The following CMIP variants were observed in gnomAD, a reference collection of about 807,000 sequenced individuals.
CMIP encodes the protein C-Maf-inducing protein.
A neutral mutation model predicts 97.3 loss-of-function variants in CMIP; 13 were observed. The ratio of observed to expected loss-of-function variants is 0.13; its 90% confidence interval spans 0.09 to 0.21. The LOEUF (loss-of-function observed/expected upper bound fraction) is 0.21, where lower values mean the gene tolerates loss of function less well. Among genes scored for constraint, CMIP ranks in the 10% least tolerant of loss-of-function variants. The probability of loss-of-function intolerance (pLI) is 1.00; values close to 1 mark genes in which losing one functional copy is unlikely to be tolerated. For missense variants in CMIP, 847 were observed against 1,024.9 expected (o/e 0.83, Z 2.37); for synonymous variants, 538 against 436.3 (o/e 1.23, Z -2.91).
chr16:81,504,103 A>G (rs574063427), intron 1 of CMIP, among the ~76,000 whole-genome samples: 28 of 152,344 alleles, frequency 1.8e-4, no homozygotes, highest in African/African-American at 6.3e-4. Context: ...AGGGAGGCAG[A>G]TCACTTGGGG....
At chr16:81,468,609 C>G (rs1381258174) in intron 1 of CMIP, among the ~76,000 whole-genome samples, 2 of 152,244 alleles carry the variant, frequency 1.3e-5, no homozygotes, top group African/African-American at 4.8e-5. Context: ...GGGTACCAGG[C>G]ATTGTGCTAA....
intron 3 of CMIP, among the ~76,000 whole-genome samples, chr16:81,626,814 TGTGG>T (rs895484604): frequency 1.7e-5 from 2 of 120,666 alleles, no homozygotes; most frequent in Non-Finnish European, 3.4e-5. Context: ...TGTGTGTGTG[TGTGG>T]GGTGCATATG....
intron 1 of CMIP, among the ~76,000 whole-genome samples, chr16:81,477,937 G>T (rs566836579): frequency 6.6e-6 from 1 of 152,350 alleles, no homozygotes; most frequent in South Asian, 2.1e-4. Context: ...GGTGACTTCT[G>T]CTTTCACCTT....
intron 1 of CMIP, among the ~76,000 whole-genome samples, chr16:81,547,429 G>A (rs556294987): frequency 1.3e-5 from 2 of 152,180 alleles, no homozygotes; most frequent in Non-Finnish European, 2.9e-5. Flanking sequence ...GGTCTTTGCA[G>A]GCCATCTCTT....
chr16:81,581,074 G>A (rs12599865), intron 1 of CMIP, among the ~76,000 whole-genome samples: 11,916 of 152,094 alleles, frequency 0.078, 539 homozygotes, highest in East Asian at 0.19. Context: ...ATGTTGTCAG[G>A]GTTCTTCCGT....
rs143532186 is a variant in CMIP at position 81,564,106 on chromosome 16, A to G, written c.301-43461A>G. ...GTCTGAAAAAGCCACTGGGGCAGGT[A>G]GGACAGAAGCAGGTGGTGACATCAC... is the stretch of plus-strand genomic sequence containing the variant. On this transcript the variant is annotated intron_variant, in intron 1 of 20. Coordinates refer to ENST00000537098, the MANE Select transcript of CMIP (RefSeq NM_198390.3). 4.0e-3 allele frequency among the ~76,000 whole-genome samples: 616 copies of G among 152,376 alleles called. 9 individuals carry two copies. Among genetic ancestry groups the G allele is most frequent in the African/African-American group, 0.014 (585 of 41,596 alleles).
intron 5 of CMIP, among the ~76,000 whole-genome samples, chr16:81,658,949 C>T (rs1461430672): frequency 6.6e-6 from 1 of 152,220 alleles, no homozygotes; most frequent in Non-Finnish European, 1.5e-5. Context: ...TGAGGTGAGC[C>T]CCAGGCCTTT....
intron 1 of CMIP, among the ~76,000 whole-genome samples, chr16:81,528,947 C>T (rs2090181787): frequency 6.6e-6 from 1 of 152,002 alleles, no homozygotes; most frequent in African/African-American, 2.4e-5. Context: ...GTCCATGCAC[C>T]CACCCGTCCA....
chr16:81,447,190 GAT>G (rs1905907713), intron 1 of CMIP, among the ~76,000 whole-genome samples: 2 of 151,794 alleles, frequency 1.3e-5, no homozygotes, highest in Admixed American at 1.3e-4. Context: ...GGAGACCCCA[GAT>G]CTGGCTTCAG....
intron 1 of CMIP, among the ~76,000 whole-genome samples, chr16:81,568,640 A>G (rs1339684451): frequency 6.6e-6 from 1 of 152,204 alleles, no homozygotes; most frequent in Non-Finnish European, 1.5e-5. Context: ...CTCGCTTTCA[A>G]CCCAGTAAGT....
At chr16:81,512,793 G>A (rs1242921330) in intron 1 of CMIP, among the ~76,000 whole-genome samples, 1 of 152,078 alleles carries the variant, frequency 6.6e-6, no homozygotes, top group Admixed American at 6.5e-5. Flanking sequence ...CTGGAGTGCA[G>A]TGGCATGATC....
At chr16:81,500,942 C>CAGG (rs1439179842) in intron 1 of CMIP, among the ~76,000 whole-genome samples, 1 of 152,182 alleles carries the variant, frequency 6.6e-6, no homozygotes, top group Non-Finnish European at 1.5e-5. Context: ...AAGAAAAACC[C>CAGG]AGGATATGAG....
intron 1 of CMIP, among the ~76,000 whole-genome samples, chr16:81,500,177 A>C (rs2089571196): frequency 6.6e-6 from 1 of 151,940 alleles, no homozygotes; most frequent in Non-Finnish European, 1.5e-5. Flanking sequence ...AGCATCGGTG[A>C]ACATGACGCC....
At chr16:81,675,607 G>A (rs1163602431) in intron 9 of CMIP, among the ~76,000 whole-genome samples, 8 of 152,110 alleles carry the variant, frequency 5.3e-5, no homozygotes, top group Non-Finnish European at 5.9e-5. Flanking sequence ...CAACATTTCT[G>A]GGGTATGGCC....
At chr16:81,512,233 T>A (rs981966920) in intron 1 of CMIP, among the ~76,000 whole-genome samples, 1 of 152,198 alleles carries the variant, frequency 6.6e-6, no homozygotes, top group Non-Finnish European at 1.5e-5. Context: ...TCGGCATGAT[T>A]CCTCTCTAGG....
chr16:81,618,717 C>T (rs12927866), intron 2 of CMIP: 45,127 of 152,258 alleles, frequency 0.3, 8,197 homozygotes, highest in Non-Finnish European at 0.4. Context: ...AATCCGCACA[C>T]GCCGGGATCA....
At chr16:81,509,254 C>G (rs12598928) in intron 1 of CMIP, among the ~76,000 whole-genome samples, 24,704 of 152,062 alleles carry the variant, frequency 0.16, 2,889 homozygotes, top group African/African-American at 0.33. Context: ...GATGCGCAAG[C>G]AGGTGCAGAG....
chr16:81,701,427 A>T (rs536293919), intron 15 of CMIP, among the ~76,000 whole-genome samples: 1 of 151,920 alleles, frequency 6.6e-6, no homozygotes, highest in African/African-American at 2.4e-5. Context: ...TGCCTGGGAG[A>T]CTCCCATGTC....
chr16:81,629,505 C>T (rs2092124572), intron 3 of CMIP, among the ~76,000 whole-genome samples: 1 of 152,234 alleles, frequency 6.6e-6, no homozygotes, highest in Non-Finnish European at 1.5e-5. Context: ...CCTTGAACCC[C>T]ACCCCACCTC....
Sources: allele counts gnomAD v4.1 joint callset (sites outside exome capture counted in the v4.1 genomes callset), GRCh38; gene constraint gnomAD v4.1.1; transcripts MANE v1.5; gene names NCBI Gene and HGNC (gene_info 2026-07-23, HGNC 2026-07-21).